Variants in COG5 observed in about 807,000 individuals in gnomAD.
COG5 encodes component of oligomeric golgi complex 5.
In COG5, 86 loss-of-function variants were observed where a neutral mutation model predicts 110.4. The ratio of observed to expected loss-of-function variants is 0.78; its 90% confidence interval spans 0.65 to 0.93. The LOEUF (loss-of-function observed/expected upper bound fraction) is 0.93, where lower values mean the gene tolerates loss of function less well. Among genes scored for constraint, COG5 ranks in the 40% least tolerant of loss-of-function variants. The pLI, the probability that COG5 is intolerant of heterozygous loss-of-function variation, is 0.00. For missense variants in COG5, 1,077 were observed against 987.0 expected, an observed-to-expected ratio of 1.09 and a Z score of -1.22; for synonymous variants, 360 against 334.6, an observed-to-expected ratio of 1.08 and a Z score of -0.83.
At chr7:107,257,363 C>T (rs1033523729) in intron 15 of COG5, among the ~76,000 whole-genome samples, 13 of 151,942 alleles carry the variant, frequency 8.6e-5, no homozygotes, top group Non-Finnish European at 1.5e-4. Context: ...TGAGATTTAC[C>T]TGTTAATAAC....
chr7:107,257,895 T>C (rs1803002520), intron 15 of COG5, among the ~76,000 whole-genome samples: 1 of 152,178 alleles, frequency 6.6e-6, no homozygotes, highest in African/African-American at 2.4e-5. Context: ...ATTTTTGACA[T>C]GTTGGAGGGC....
chr7:107,504,735 T>A (rs796594814), intron 6 of COG5, among the ~76,000 whole-genome samples: 13 of 152,330 alleles, frequency 8.5e-5, no homozygotes, highest in African/African-American at 3.1e-4. Context: ...AGGAGGGTTG[T>A]ATGTTTCCAG....
chr7:107,289,802 G>C (rs1322037610), intron 12 of COG5, among the ~76,000 whole-genome samples: 1 of 152,108 alleles, frequency 6.6e-6, no homozygotes, highest in African/African-American at 2.4e-5. Context: ...ACAATGAATT[G>C]TTATAATTAC....
rs190500510 is a variant in COG5 at position 107,289,377 on chromosome 7, C to T, written c.1314-5645G>A. On this transcript the variant is annotated intron_variant, in intron 12 of 21. Coordinates refer to ENST00000297135, the MANE Select transcript of COG5 (RefSeq NM_006348.5). ...GTTTTATGTCTATCCTTGTGCCAGG[C>T]AGTACTATACCATAGGGATTAAAAT... 3.8e-4 allele frequency among the ~76,000 whole-genome samples: 58 copies of T among 152,226 alleles called. 1 individual carries two copies. In the South Asian group the frequency reaches 0.011, roughly 29 times the overall value.
intron 14 of COG5, among the ~76,000 whole-genome samples, chr7:107,277,046 C>T (rs1291332683): frequency 6.6e-6 from 1 of 152,068 alleles, no homozygotes; most frequent in Non-Finnish European, 1.5e-5. Context: ...CCTATTATTT[C>T]AAAATTAAAC....
intron 7 of COG5, among the ~76,000 whole-genome samples, chr7:107,405,949 C>A (rs137910225): frequency 2.1e-4 from 32 of 152,234 alleles, no homozygotes; most frequent in African/African-American, 6.0e-4. Context: ...CTGCTGGCAC[C>A]TCCAGCCTTC....
chr7:107,501,409 G>C (rs534767491), intron 6 of COG5, among the ~76,000 whole-genome samples: 5 of 152,032 alleles, frequency 3.3e-5, no homozygotes, highest in African/African-American at 9.7e-5. Context: ...AGGGGTGATA[G>C]CAAGGTAAAA....
In COG5 at chr7:107,476,670, A is replaced by G. The variant is rs1241759635; in HGVS notation, c.538+50567T>C. On this transcript the variant is annotated intron_variant, in intron 6 of 21. Transcript: ENST00000297135. ...TCTATCGATAAGTGTCAATATCACT[A>G]TCAGAAATTTAGCAATAAGTTATTT... Among the ~76,000 whole-genome samples the G allele has an allele frequency of 2.0e-5, 3 of 151,760 alleles. No homozygotes were observed. The East Asian group carries it at 5.8e-4, about 29-fold the overall frequency.
At chr7:107,214,696 C>T (rs146197676) in intron 19 of COG5, among the ~76,000 whole-genome samples, 243 of 152,114 alleles carry the variant, frequency 1.6e-3, no homozygotes, top group African/African-American at 5.5e-3. Context: ...CTGAGGTGGG[C>T]GGATCACTTT....
intron 5 of COG5, among the ~76,000 whole-genome samples, chr7:107,529,267 G>A (rs893296450): frequency 6.6e-6 from 1 of 152,150 alleles, no homozygotes; most frequent in Non-Finnish European, 1.5e-5. Flanking sequence ...TCAAGAGTGG[G>A]GCAGGAGAGG....
At chr7:107,415,080 G>A (rs1432609161) in intron 6 of COG5, among the ~76,000 whole-genome samples, 1 of 152,058 alleles carries the variant, frequency 6.6e-6, no homozygotes, top group Admixed American at 6.6e-5. Flanking sequence ...ACAAAAAAAG[G>A]AAAGTACAAC....
At chr7:107,534,165 A>G (rs1801410561) in intron 5 of COG5, among the ~76,000 whole-genome samples, 1 of 151,418 alleles carries the variant, frequency 6.6e-6, no homozygotes, top group Non-Finnish European at 1.5e-5. Flanking sequence ...TCCTGAAGGA[A>G]GCACTAAATA....
At chr7:107,263,369 G>A (rs1330723388) in intron 14 of COG5, among the ~76,000 whole-genome samples, 2 of 152,240 alleles carry the variant, frequency 1.3e-5, no homozygotes, top group Non-Finnish European at 2.9e-5. Context: ...ATTGTACCAA[G>A]GTGCAAAAAT....
chr7:107,323,061 A>ATTGGT (rs1338084460), intron 11 of COG5, among the ~76,000 whole-genome samples: 2 of 152,214 alleles, frequency 1.3e-5, no homozygotes, highest in Non-Finnish European at 2.9e-5. Flanking sequence ...CTATATCTTA[A>ATTGGT]TTGTAATGAT....
At chr7:107,221,313 T>C (rs1272789364) in intron 19 of COG5, among the ~76,000 whole-genome samples, 3 of 152,100 alleles carry the variant, frequency 2.0e-5, no homozygotes, top group African/African-American at 7.2e-5. Flanking sequence ...ATGACAGTCC[T>C]TGATTGTTAA....
At chr7:107,500,467 C>G (rs1161284023) in intron 6 of COG5, among the ~76,000 whole-genome samples, 1 of 152,072 alleles carries the variant, frequency 6.6e-6, no homozygotes, top group Admixed American at 6.6e-5. Flanking sequence ...TCTTCATGTG[C>G]CCACGAAAAT....
intron 8 of COG5, among the ~76,000 whole-genome samples, chr7:107,372,180 TC>T (rs1814236347): frequency 6.6e-6 from 1 of 152,210 alleles, no homozygotes; most frequent in African/African-American, 2.4e-5. Flanking sequence ...TCATTATTTT[TC>T]CTGGGTACCA....
intron 12 of COG5, among the ~76,000 whole-genome samples, chr7:107,296,554 C>T (rs531903885): frequency 8.7e-4 from 130 of 149,994 alleles, no homozygotes; most frequent in African/African-American, 3.1e-3. Flanking sequence ...CCTATCATGG[C>T]CATTTATTTT....
chr7:107,438,816 A>C (rs1233505636), intron 6 of COG5, among the ~76,000 whole-genome samples: 1 of 152,214 alleles, frequency 6.6e-6, no homozygotes, highest in Non-Finnish European at 1.5e-5. Context: ...CTTTATGAAG[A>C]AAATAAATTC....
Sources: allele counts gnomAD v4.1 joint callset (sites outside exome capture counted in the v4.1 genomes callset), GRCh38; gene constraint gnomAD v4.1.1; transcripts MANE v1.5; gene names NCBI Gene and HGNC (gene_info 2026-07-23, HGNC 2026-07-21).